DCP2: variants seen among roughly 807,000 people sequenced by gnomAD.
DCP2 encodes m7GpppN-mRNA hydrolase.
In DCP2, 30 loss-of-function variants were observed where a neutral mutation model predicts 56.1. The ratio of observed to expected loss-of-function variants is 0.53; its 90% CI spans 0.40 to 0.73. DCP2 has a LOEUF of 0.73. DCP2 is among the 30% of genes least tolerant of loss of function. The pLI, the probability that DCP2 is intolerant of heterozygous loss-of-function variation, is 0.00. For missense variants in DCP2, 533 were observed against 502.7 expected, an observed-to-expected ratio of 1.06 and a Z score of -0.58; for synonymous variants, 197 against 163.3, an observed-to-expected ratio of 1.21 and a Z score of -1.57.
At chr5:112,977,885 T>C (rs949370835) in intron 1 of DCP2, among the ~76,000 whole-genome samples, 1 of 152,228 alleles carries the variant, frequency 6.6e-6, no homozygotes, top group African/African-American at 2.4e-5. Flanking sequence ...GGCAGGCTTT[T>C]AGTAGTTGTA....
chr5:112,983,396 G>A (rs2150168530), intron 1 of DCP2, among the ~76,000 whole-genome samples: 1 of 152,258 alleles, frequency 6.6e-6, no homozygotes, highest in South Asian at 2.1e-4. Context: ...TAATGTAATT[G>A]ATATGGGGGG....
At chr5:113,000,535 A>C (rs1241520402) in intron 4 of DCP2, among the ~76,000 whole-genome samples, 3 of 152,174 alleles carry the variant, frequency 2.0e-5, no homozygotes, top group Non-Finnish European at 4.4e-5. Context: ...TTAATTGTTA[A>C]AATTATAAAT....
intron 10 of DCP2, among the ~76,000 whole-genome samples, chr5:113,011,231 A>G (rs1445897603): frequency 6.6e-6 from 1 of 152,152 alleles, no homozygotes; most frequent in Non-Finnish European, 1.5e-5. Flanking sequence ...ACGTTAGTAA[A>G]TTTGTATGCC....
At chr5:112,977,279 C>T (rs1747757044) in intron 1 of DCP2, among the ~76,000 whole-genome samples, 1 of 152,104 alleles carries the variant, frequency 6.6e-6, no homozygotes, top group African/African-American at 2.4e-5. Context: ...TTCGCCGGAG[C>T]CTGGGTCTTA....
chr5:113,016,049 A>G lies in DCP2; in HGVS notation c.*2565A>G, dbSNP rs1580844006. 6.6e-6 allele frequency: 1 copy of G among 152,644 alleles called. No homozygotes were observed. Among genetic ancestry groups the G allele is most frequent in the Non-Finnish European group, 1.5e-5 (1 of 68,034 alleles). 9.5% of individuals were successfully genotyped at this position (152,644 alleles called of 1,614,324 possible). Reference sequence around the variant, plus strand: ...TTTTTAAATGTTACGTTCCAACCTTATATGTTCCAAGGTGCAGTGCACTGT... The same window carrying G: ...TTTTTAAATGTTACGTTCCAACCTTGTATGTTCCAAGGTGCAGTGCACTGT... On this transcript the variant is annotated 3_prime_UTR_variant, in exon 11 of 11. Coordinates refer to ENST00000389063, the MANE Select transcript of DCP2 (RefSeq NM_152624.6).
intron 9 of DCP2, 122 bp downstream of exon 9, chr5:113,008,164 A>G: frequency 1.3e-6 from 1 of 775,660 alleles, no homozygotes; most frequent in Non-Finnish European, 2.1e-6. Flanking sequence ...TACTAGTAGG[A>G]TTTTTGTGTA....
rs1277865794 is a variant in DCP2 at position 112,976,933 on chromosome 5, C to G, written c.-1C>G. 6 of 1,611,678 alleles carry G rather than the reference C, an allele frequency of 3.7e-6. No homozygotes were observed. The highest frequency in any genetic ancestry group is 1.1e-5 in the South Asian group (1 of 90,978). On this transcript the variant is annotated 5_prime_UTR_variant, in exon 1 of 11. It adds an upstream start codon to the 5' untranslated region. Coordinates refer to ENST00000389063, the MANE Select transcript of DCP2 (RefSeq NM_152624.6). Reference sequence around the variant, plus strand: ...CACTGTTCCTGCTGTGGGTCCTCATCATGGAGACCAAACGGGTGGAGATTC... The same window carrying G: ...CACTGTTCCTGCTGTGGGTCCTCATGATGGAGACCAAACGGGTGGAGATTC...
At chr5:113,011,306 T>A (rs1343714297) in intron 10 of DCP2, among the ~76,000 whole-genome samples, 1 of 152,230 alleles carries the variant, frequency 6.6e-6, no homozygotes, top group Non-Finnish European at 1.5e-5. Flanking sequence ...TTTAAGGTGA[T>A]ACTAAGTATG....
rs1749920514 is a variant in DCP2, at chr5:113,017,068, T to G, written c.*3584T>G. On this transcript the variant is annotated 3_prime_UTR_variant, in exon 11 of 11. Transcript: ENST00000389063. ...GTTGGTCAGGGTGGTCTCTCTTGGC[T>G]TTTTATCTTTATTTTTGTACCAGTG... 3 of 152,186 alleles carry G rather than the reference T, an allele frequency of 2.0e-5. No individual in the cohort carries two copies. Among genetic ancestry groups the G allele is most frequent in the Admixed American group, 2.0e-4 (3 of 15,288 alleles). The allele number at this position is 152,186 out of a possible 1,614,324, so 9.4% of individuals were successfully genotyped here.
chr5:113,003,065 A>G (rs191158049), intron 7 of DCP2, among the ~76,000 whole-genome samples: 2 of 152,342 alleles, frequency 1.3e-5, no homozygotes, highest in Non-Finnish European at 2.9e-5. Flanking sequence ...TTCTTAAATC[A>G]GTAGCATTCC....
At position 112,978,459 on chromosome 5, in the gene DCP2, A is replaced by G. The variant is rs183340834; in HGVS notation, c.53+1473A>G. Among the ~76,000 whole-genome samples the G allele has an allele frequency of 1.8e-3, 281 of 152,322 alleles. 1 individual carries two copies. The highest frequency in any genetic ancestry group is 6.5e-3 in the African/African-American group (269 of 41,574). On this transcript the variant is annotated intron_variant, in intron 1 of 10. Transcript: ENST00000389063. ...TTCACAAAATCAAGATTTCACACCT[A>G]TTCCTTTTTCTTTCCAGTGCCTGTG...
intron 4 of DCP2, among the ~76,000 whole-genome samples, chr5:112,999,672 A>G (rs1380173843): frequency 6.8e-6 from 1 of 147,732 alleles, no homozygotes; most frequent in Admixed American, 6.8e-5. Context: ...TGTCATCTAG[A>G]CTGGAGTGCA....
At chr5:112,979,810 T>C (rs1301107453) in intron 1 of DCP2, among the ~76,000 whole-genome samples, 1 of 152,192 alleles carries the variant, frequency 6.6e-6, no homozygotes. Flanking sequence ...GGGAAAATAT[T>C]TGTGTGTTGA....
intron 2 of DCP2, among the ~76,000 whole-genome samples, chr5:112,989,262 T>C (rs1748459801): frequency 6.6e-6 from 1 of 152,204 alleles, no homozygotes; most frequent in South Asian, 2.1e-4. Flanking sequence ...CTTGGGTAGG[T>C]TATTTAAATC....
chr5:113,002,030 A>T (rs555661002), intron 7 of DCP2, among the ~76,000 whole-genome samples: 2 of 152,284 alleles, frequency 1.3e-5, no homozygotes, highest in Admixed American at 1.3e-4. Flanking sequence ...AGACGTTTGG[A>T]TGGAGGATAT....
intron 3 of DCP2, 25 bp from the exon 4 acceptor site, chr5:112,992,647 A>AT: frequency 1.3e-6 from 2 of 1,533,404 alleles, no homozygotes; most frequent in Non-Finnish European, 8.9e-7. Flanking sequence ...GGCAAGTTTG[A>AT]TTTTTACTTC....
chr5:112,976,900 C>T lies in DCP2; in HGVS notation c.-34C>T, dbSNP rs1416074504. The T allele has an allele frequency of 1.2e-6, 2 of 1,612,468 alleles. No homozygotes were observed. Among genetic ancestry groups the T allele is most frequent in the Admixed American group, 3.3e-5 (2 of 60,032 alleles). On this transcript the variant is annotated 5_prime_UTR_variant, in exon 1 of 11. Transcript: ENST00000389063. Reference sequence around the variant, plus strand: ...ACCGTCAGTCCCCGGCCGCGCGGAGCCGGGATGCACTGTTCCTGCTGTGGG... The same window carrying T: ...ACCGTCAGTCCCCGGCCGCGCGGAGTCGGGATGCACTGTTCCTGCTGTGGG...
chr5:112,995,736 T>G (rs904932840), intron 4 of DCP2, among the ~76,000 whole-genome samples: 17 of 152,208 alleles, frequency 1.1e-4, no homozygotes, highest in African/African-American at 4.1e-4. Flanking sequence ...TAAAGGCAAG[T>G]TTGACTTTTG....
chr5:112,999,344 T>G (rs1400247416), intron 4 of DCP2, among the ~76,000 whole-genome samples: 2 of 152,144 alleles, frequency 1.3e-5, no homozygotes, highest in Non-Finnish European at 2.9e-5. Flanking sequence ...GTTTTTTTTT[T>G]GAGATGGAGT....
Sources: gnomAD v4.1 joint callset for allele counts (sites outside exome capture counted in the v4.1 genomes callset) on GRCh38, gnomAD v4.1.1 for gene constraint, MANE v1.5 for transcripts, NCBI Gene and HGNC (gene_info 2026-07-23, HGNC 2026-07-21) for gene names.